The following GLIS3 variants were observed in gnomAD, a reference collection of about 807,000 sequenced individuals.
GLIS3 encodes the protein GLIS family zinc finger 3, also known as zinc finger protein GLIS3.
A neutral mutation model predicts 78.6 loss-of-function variants in GLIS3; 53 were observed. That is an observed-to-expected ratio of 0.67 (90% CI 0.54 to 0.85). GLIS3 has a LOEUF of 0.85. Ranked by LOEUF, GLIS3 falls within the 40% of genes least tolerant of loss-of-function variation. The pLI, the probability that GLIS3 is intolerant of heterozygous loss-of-function variation, is 0.00. For missense variants in GLIS3, 1,703 were observed against 1,231.1 expected (o/e 1.38, Z -5.74); for synonymous variants, 684 against 509.9 (o/e 1.34, Z -4.60).
chr9:4,427,737 C>T, the GLIS3 span, among the ~76,000 whole-genome samples: 9 of 151,452 alleles, frequency 5.9e-5, 2 homozygotes, highest in Admixed American at 5.9e-4. Context: ...TGTGCACCTG[C>T]AATCCCAGCT....
chr9:4,199,666 T>C (rs1819187225), intron 2 of GLIS3, among the ~76,000 whole-genome samples: 2 of 151,828 alleles, frequency 1.3e-5, no homozygotes, highest in Non-Finnish European at 2.9e-5. Flanking sequence ...AACAAGTACT[T>C]CTAGACCTAC....
chr9:3,999,348 T>C (rs928845122), intron 4 of GLIS3, among the ~76,000 whole-genome samples: 1 of 152,168 alleles, frequency 6.6e-6, no homozygotes, highest in African/African-American at 2.4e-5. Flanking sequence ...TTTCCCTCCA[T>C]GGAAGTTTTA....
chr9:4,298,957 G>C (rs1047215849), intron 1 of GLIS3, among the ~76,000 whole-genome samples: 1 of 152,182 alleles, frequency 6.6e-6, no homozygotes, highest in African/African-American at 2.4e-5. Context: ...GTGCGCGAGA[G>C]ACCTCACGTC....
chr9:4,215,816 A>G (rs1820774227), intron 2 of GLIS3, among the ~76,000 whole-genome samples: 1 of 152,214 alleles, frequency 6.6e-6, no homozygotes, highest in South Asian at 2.1e-4. Context: ...CAGTATGACA[A>G]TACTTGGTTG....
intron 5 of GLIS3, 24 bp downstream of exon 5, chr9:3,937,004 C>T: frequency 6.2e-7 from 1 of 1,612,092 alleles, no homozygotes; most frequent in Non-Finnish European, 8.5e-7. Context: ...GGGTTGGAAA[C>T]TGGAAAGCTC....
At chr9:4,455,316 T>G in the GLIS3 span, among the ~76,000 whole-genome samples, 1 of 152,214 alleles carries the variant, frequency 6.6e-6, no homozygotes, top group Non-Finnish European at 1.5e-5. Context: ...CACCACACTC[T>G]TTGTAGACAA....
At chr9:3,834,566 G>C (rs1471975290) in intron 9 of GLIS3, among the ~76,000 whole-genome samples, 1 of 152,126 alleles carries the variant, frequency 6.6e-6, no homozygotes, top group Non-Finnish European at 1.5e-5. Context: ...CCCAGGTCTA[G>C]CCAACTTTGT....
the GLIS3 span, among the ~76,000 whole-genome samples, chr9:4,381,939 C>A: frequency 6.6e-6 from 1 of 152,206 alleles, no homozygotes; most frequent in Non-Finnish European, 1.5e-5. Flanking sequence ...CTAGGGAGAC[C>A]ATCCTTGGCA....
chr9:4,266,961 G>C (rs1219997639), intron 2 of GLIS3, among the ~76,000 whole-genome samples: 1 of 152,142 alleles, frequency 6.6e-6, no homozygotes, highest in Non-Finnish European at 1.5e-5. Context: ...GCTACATGCT[G>C]TGATATAACC....
At chr9:4,392,606 G>C in the GLIS3 span, among the ~76,000 whole-genome samples, 1 of 152,016 alleles carries the variant, frequency 6.6e-6, no homozygotes, top group Non-Finnish European at 1.5e-5. Context: ...TTTTGTATCT[G>C]GTCCCAGACT....
chr9:4,349,298 T>C (rs1817932644), upstream of GLIS3, among the ~76,000 whole-genome samples: 1 of 152,236 alleles, frequency 6.6e-6, no homozygotes, highest in Non-Finnish European at 1.5e-5. Flanking sequence ...TATGCAACCA[T>C]ATTTCTCCAA....
chr9:4,126,871 A>G (rs2130918245), intron 2 of GLIS3, among the ~76,000 whole-genome samples: 1 of 152,310 alleles, frequency 6.6e-6, no homozygotes, highest in Middle Eastern at 3.4e-3. Context: ...CTCAATCTTT[A>G]ACAAATTAAG....
intron 2 of GLIS3, among the ~76,000 whole-genome samples, chr9:4,188,326 T>G (rs1586920001): frequency 6.7e-6 from 1 of 149,166 alleles, no homozygotes; most frequent in East Asian, 2.0e-4. Context: ...TGAACCAGCC[T>G]TGCATCCCAG....
At chr9:4,355,367 A>G in the GLIS3 span, among the ~76,000 whole-genome samples, 2 of 152,236 alleles carry the variant, frequency 1.3e-5, no homozygotes, top group South Asian at 4.1e-4. Context: ...ATGCATATAG[A>G]GGGGTAAGCA....
intron 2 of GLIS3, among the ~76,000 whole-genome samples, chr9:4,213,916 A>T (rs1261628276): frequency 8.8e-6 from 1 of 113,688 alleles, no homozygotes; most frequent in Non-Finnish European, 1.8e-5. Flanking sequence ...GGCAGAAAAT[A>T]AACACAGAAG....
rs540978818 is a variant in GLIS3 at position 3,990,964 on chromosome 9, C to T, written c.1711-53775G>A. On this transcript the variant is annotated intron_variant, in intron 4 of 10. Transcript: ENST00000381971. ...TGAAATACGGAATGTCTAAGTGAAG[C>T]AGTTTTGTTTAGCCAGGAATCAGAT... 3.3e-5 allele frequency among the ~76,000 whole-genome samples: 5 copies of T among 152,234 alleles called. No individual in the cohort carries two copies. The South Asian group carries it at 6.2e-4, about 19-fold the overall frequency.
At chr9:4,167,349 C>T (rs1053747883) in intron 2 of GLIS3, among the ~76,000 whole-genome samples, 8 of 152,054 alleles carry the variant, frequency 5.3e-5, no homozygotes, top group African/African-American at 1.9e-4. Flanking sequence ...TTTATTTCCC[C>T]ATGTTCATGA....
intron 2 of GLIS3, among the ~76,000 whole-genome samples, chr9:4,231,913 T>C (rs1393261443): frequency 3.9e-5 from 6 of 152,228 alleles, no homozygotes; most frequent in Admixed American, 3.9e-4. Flanking sequence ...GTTGTCATTA[T>C]GTTCCTGTTA....
the GLIS3 span, among the ~76,000 whole-genome samples, chr9:4,437,420 G>GTATCTATCTATC: frequency 2.2e-3 from 280 of 127,036 alleles, 3 homozygotes; most frequent in East Asian, 4.5e-3. Context: ...ATGTATGTAT[G>GTATCTATCTATC]TATCTATCTA....
Sources: allele counts gnomAD v4.1 joint callset (sites outside exome capture counted in the v4.1 genomes callset), GRCh38; gene constraint gnomAD v4.1.1; transcripts MANE v1.5; gene names NCBI Gene and HGNC (gene_info 2026-07-23, HGNC 2026-07-21).